The following MYH1 variants were observed in gnomAD, a reference collection of about 807,000 sequenced individuals.
The protein encoded by MYH1 is myosin heavy chain 1.
Under a neutral mutation model 225.6 loss-of-function variants are expected in MYH1, and 214 were observed. That is an observed-to-expected ratio of 0.95 (90% CI 0.85 to 1.06). MYH1 has a LOEUF of 1.06. Ranked by LOEUF, MYH1 falls within the 50% of genes least tolerant of loss-of-function variation. The probability of loss-of-function intolerance (pLI) is 0.00; values close to 1 mark genes in which losing one functional copy is unlikely to be tolerated. For missense variants in MYH1, 2,098 were observed against 2,344.2 expected (o/e 0.89, Z 2.17); for synonymous variants, 774 against 842.3 (o/e 0.92, Z 1.40).
chr17:10,503,347 C>T, intron 22 of MYH1, 99 bp from the exon 23 acceptor site: 3 of 1,489,962 alleles, frequency 2.0e-6, no homozygotes, highest in Non-Finnish European at 2.7e-6. Flanking sequence ...TTGTTTTAAG[C>T]CTTCAGGTTA....
At position 10,516,462 on chromosome 17, in the gene MYH1, T is replaced by C; in HGVS notation, c.181A>G (p.Thr61Ala). 1 of 1,614,228 alleles carries C rather than the reference T, an allele frequency of 6.2e-7. No homozygotes were observed. Residue 61 changes from threonine (T) to alanine (A), a missense_variant, in exon 3 of 40, where the codon ACA becomes GCA. Physicochemically the swap from Thr to Ala is moderately conservative, Grantham distance 58 (BLOSUM62 0). Coordinates refer to ENST00000226207, the MANE Select transcript of MYH1 (RefSeq NM_005963.4). The part of the protein sequence containing the change: ...TVQSREGGKV[T>A]AKTEAGATVT... Reference sequence around the variant, plus strand: ...ACAGCTCCAGCTTCGGTCTTAGCTGTCACCTTCCCCCCTTCCCTGCTCTGC... The same window carrying C: ...ACAGCTCCAGCTTCGGTCTTAGCTGCCACCTTCCCCCCTTCCCTGCTCTGC...
In MYH1 at chr17:10,506,076, G is replaced by T. The variant is rs2073109718; in HGVS notation, c.1992C>A (p.Thr664=). 1 of 1,614,002 alleles carries T rather than the reference G, an allele frequency of 6.2e-7. No individual in the cohort carries two copies. The highest frequency in any genetic ancestry group is 8.5e-7 in the Non-Finnish European group (1 of 1,180,020). ...AGTGGGGGTGAGTGCTCCTCAAGTT[G>T]GTCATCAGCTTATTCAAATTCTCCT... ...LFRENLNKLM[T]NLRSTHPHFV... The change falls in exon 18 of 40, where the codon ACC becomes ACA. Residue 664 remains threonine, a synonymous_variant. Transcript: ENST00000226207.
chr17:10,498,834 G>C lies in MYH1; in HGVS notation c.3985-12C>G. The C allele has an allele frequency of 3.1e-6, 5 of 1,613,728 alleles. No individual in the cohort carries two copies. The highest frequency in any genetic ancestry group is 3.4e-6 in the Non-Finnish European group (4 of 1,179,856). On this transcript the variant is annotated splice_polypyrimidine_tract_variant and intron_variant, in intron 29 of 39. Coordinates refer to ENST00000226207, the MANE Select transcript of MYH1 (RefSeq NM_005963.4). ...AGGGCACTCTTGGCCTGAGAACATA[G>C]AGATTGATGACTTAATTTTATATAT...
At position 10,494,376 on chromosome 17, in the gene MYH1, T is replaced by C. The variant is rs746223405; in HGVS notation, c.5645A>G (p.Tyr1882Cys). 1.9e-6 allele frequency: 3 copies of C among 1,614,210 alleles called. No homozygotes were observed. The highest frequency in any genetic ancestry group is 2.5e-6 in the Non-Finnish European group (3 of 1,180,032). ...VDKLQAKVKS[Y>C]KRQAEEAEEQ... ...CACCGCTTCTTCAGCTTGTCTCTTG[T>C]AGGATTTCACCTTTGCTTGCAGTTT... The change falls in exon 39 of 40, where the codon TAC becomes TGC. Residue 1882 changes from tyrosine to cysteine, a missense_variant. Coordinates refer to ENST00000226207, the MANE Select transcript of MYH1 (RefSeq NM_005963.4).
At chr17:10,513,208 T>C (rs983641912) in intron 9 of MYH1, among the ~76,000 whole-genome samples, 5 of 152,168 alleles carry the variant, frequency 3.3e-5, no homozygotes, top group African/African-American at 9.7e-5. Flanking sequence ...CCTTGACATT[T>C]GGAATATAAT....
chr17:10,501,056 G>A (rs1305218861), intron 27 of MYH1, 54 bp downstream of exon 27: 1 of 1,597,322 alleles, frequency 6.3e-7, no homozygotes, highest in Non-Finnish European at 8.5e-7. Context: ...AATCATATTT[G>A]TGCTAAAGGG....
In MYH1 at chr17:10,512,934, C is replaced by T; in HGVS notation, c.837G>A (p.Gln279=). The change falls in exon 10 of 40, where the codon CAG becomes CAA. Residue 279 remains glutamine (Q), a synonymous_variant. Transcript: ENST00000226207. Reference sequence around the variant, plus strand: ...TATGATAGCTTCTTTCAGCCTTTAGCTGGAAAGTAACTCTAGACTTCTCCA... The same window carrying T: ...TATGATAGCTTCTTTCAGCCTTTAGTTGGAAAGTAACTCTAGACTTCTCCA... ...YLLEKSRVTF[Q]LKAERSYHIF... The T allele has an allele frequency of 6.2e-7, 1 of 1,613,682 alleles. No individual in the cohort carries two copies. Among genetic ancestry groups the T allele is most frequent in the Non-Finnish European group, 8.5e-7 (1 of 1,179,694 alleles).
At chr17:10,499,200 A>C in intron 28 of MYH1, 108 bp from the exon 29 acceptor site, 1 of 885,640 alleles carries the variant, frequency 1.1e-6, no homozygotes, top group Non-Finnish European at 1.9e-6. Flanking sequence ...GATGGAGGGC[A>C]TGGGTGACAA....
At chr17:10,510,955 A>G (rs573578512) in intron 14 of MYH1, among the ~76,000 whole-genome samples, 97 of 152,198 alleles carry the variant, frequency 6.4e-4, no homozygotes, top group African/African-American at 2.3e-3. Context: ...ACTTCAAAAA[A>G]AAAAAAAGAA....
chr17:10,504,840 T>C lies in MYH1; in HGVS notation c.2661A>G (p.Glu887=), dbSNP rs2073092701. The change falls in exon 22 of 40, where the codon GAA becomes GAG. Residue 887 remains glutamate (E), a synonymous_variant. Transcript: ENST00000226207. ...LEEKMVTLMQ[E]KNDLQLQVQA... ...GAACCTGGAGTTGCAAGTCATTTTT[T>C]TCTTGCATCAGAGTAACCATTTTTT... 1 of 1,614,086 alleles carries C rather than the reference T, an allele frequency of 6.2e-7. No individual in the cohort carries two copies. Among genetic ancestry groups the C allele is most frequent in the Non-Finnish European group, 8.5e-7 (1 of 1,180,012 alleles).
At chr17:10,498,549 T>G in intron 30 of MYH1, 77 bp downstream of exon 30, 1 of 1,586,458 alleles carries the variant, frequency 6.3e-7, no homozygotes, top group African/African-American at 1.3e-5. Context: ...GGTCCCAGAA[T>G]GTTTTTTCCC....
At chr17:10,493,326 T>A (rs2072953748) in intron 39 of MYH1, among the ~76,000 whole-genome samples, 1 of 152,196 alleles carries the variant, frequency 6.6e-6, no homozygotes, top group Non-Finnish European at 1.5e-5. Context: ...CAAGTGTGTT[T>A]GTTTTCTCTC....
intron 29 of MYH1, 67 bp from the exon 30 acceptor site, chr17:10,498,889 A>C (rs1250108592): frequency 1.2e-6 from 2 of 1,606,394 alleles, no homozygotes; most frequent in East Asian, 2.2e-5. Flanking sequence ...CTGATCTCCT[A>C]TAGGCCACCA....
At position 10,502,635 on chromosome 17, in the gene MYH1, G is replaced by A. The variant is rs1291880478; in HGVS notation, c.3111+103C>T. On this transcript the variant is annotated intron_variant, in intron 24 of 39. Transcript: ENST00000226207. ...GATGTTCCATATTCCTCATTCATAG[G>A]AGGCACTTGATAAGTACTCACTATA... The A allele has an allele frequency of 3.9e-6, 6 of 1,522,306 alleles. No homozygotes were observed. In the South Asian group the frequency reaches 5.8e-5, roughly 15 times the overall value. The allele number at this position is 1,522,306 out of a possible 1,614,324, so 94.3% of individuals were successfully genotyped here.
Position 10,513,930 on chromosome 17 carries a change from A to T in MYH1, c.649-17T>A, listed in dbSNP as rs561210440. The stretch of plus-strand genomic sequence containing the variant: ...CAGAGTCCCCTGCAAAGGCAAGAGC[A>T]GTCCTTGCATCTGGGGCTTGGGAAT... On this transcript the variant is annotated splice_polypyrimidine_tract_variant and intron_variant, in intron 7 of 39. Coordinates refer to ENST00000226207, the MANE Select transcript of MYH1 (RefSeq NM_005963.4). 161 of 1,613,802 alleles carry T rather than the reference A, an allele frequency of 1.0e-4. 1 individual carries two copies. The South Asian group carries it at 1.5e-3, about 16-fold the overall frequency.
Position 10,494,638 on chromosome 17 carries a change from C to T in MYH1, c.5502G>A (p.Gln1834=). The change falls in exon 38 of 40, where the codon CAG becomes CAA. Residue 1834 remains glutamine, a synonymous_variant. Transcript: ENST00000226207. The part of the protein sequence containing the change: ...RELEGEVESE[Q]KRNVEAVKGL... ...CCTTGACAGCTTCAACATTGCGCTTCTGTTCACTTTCAACTTCACCTTCAA... is the reference window on the plus strand; with the variant it reads ...CCTTGACAGCTTCAACATTGCGCTTTTGTTCACTTTCAACTTCACCTTCAA... The T allele has an allele frequency of 1.9e-6, 3 of 1,614,144 alleles. No homozygotes were observed. Among genetic ancestry groups the T allele is most frequent in the South Asian group, 1.1e-5 (1 of 91,072 alleles).
At chr17:10,504,495 A>C (rs1404685722) in intron 22 of MYH1, among the ~76,000 whole-genome samples, 1 of 152,222 alleles carries the variant, frequency 6.6e-6, no homozygotes, top group Admixed American at 6.5e-5. Flanking sequence ...TCTTTTTCAC[A>C]GCTCTTATTT....
intron 24 of MYH1, among the ~76,000 whole-genome samples, chr17:10,502,363 C>A (rs996281970): frequency 3.3e-5 from 5 of 152,196 alleles, no homozygotes; most frequent in African/African-American, 1.2e-4. Context: ...TTGATCATTA[C>A]AACTTCTTTG....
Position 10,494,629 on chromosome 17 carries a change from A to T in MYH1, c.5511T>A (p.Asn1837Lys). 1 of 1,614,108 alleles carries T rather than the reference A, an allele frequency of 6.2e-7. No homozygotes were observed. Among genetic ancestry groups the T allele is most frequent in the Non-Finnish European group, 8.5e-7 (1 of 1,180,024 alleles). The change falls in exon 38 of 40, where the codon AAT (asparagine) becomes AAA (lysine). Residue 1837 changes from asparagine to lysine, a missense_variant. Asn to Lys is a moderately conservative substitution (Grantham distance 94, BLOSUM62 0). Transcript: ENST00000226207. Reference sequence around the variant, plus strand: ...TGCGTAGACCCTTGACAGCTTCAACATTGCGCTTCTGTTCACTTTCAACTT... The same window carrying T: ...TGCGTAGACCCTTGACAGCTTCAACTTTGCGCTTCTGTTCACTTTCAACTT... ...EGEVESEQKR[N>K]VEAVKGLRKH...
Sources: allele counts gnomAD v4.1 joint callset (sites outside exome capture counted in the v4.1 genomes callset), GRCh38; gene constraint gnomAD v4.1.1; transcripts MANE v1.5; gene names NCBI Gene and HGNC (gene_info 2026-07-23, HGNC 2026-07-21).